EHBP1: variants seen among roughly 807,000 people sequenced by gnomAD.
EHBP1 encodes the protein EH domain-binding protein 1.
A neutral mutation model predicts 144.0 loss-of-function variants in EHBP1; 55 were observed. The observed-to-expected ratio is 0.38, with a 90% CI of 0.31 to 0.48. The LOEUF is 0.48. Among genes scored for constraint, EHBP1 ranks in the 20% least tolerant of loss-of-function variants. EHBP1 has a pLI of 0.98. For missense variants in EHBP1, 1,200 were observed against 1,364.2 expected (o/e 0.88, Z 1.90); for synonymous variants, 469 against 472.7 (o/e 0.99, Z 0.10).
chr2:63,005,300 T>A (rs1409042840), intron 19 of EHBP1, among the ~76,000 whole-genome samples: 1 of 152,062 alleles, frequency 6.6e-6, no homozygotes, highest in Admixed American at 6.6e-5. Flanking sequence ...TCTGCAGTTG[T>A]GGAGAAAAGA....
chr2:62,764,823 C>T (rs1484697132), intron 4 of EHBP1, among the ~76,000 whole-genome samples: 2 of 151,938 alleles, frequency 1.3e-5, no homozygotes, highest in Non-Finnish European at 1.5e-5. Context: ...ATAAGTGTTG[C>T]TGCTTAAAGG....
chr2:63,016,911 G>C (rs1000806091), intron 19 of EHBP1, among the ~76,000 whole-genome samples: 1 of 152,118 alleles, frequency 6.6e-6, no homozygotes, highest in African/African-American at 2.4e-5. Flanking sequence ...TTAGGACCCA[G>C]GGCCCATAGG....
intron 13 of EHBP1, among the ~76,000 whole-genome samples, chr2:62,952,941 G>A (rs1161362632): frequency 2.0e-5 from 3 of 151,936 alleles, no homozygotes; most frequent in East Asian, 1.9e-4. Context: ...TAATATGGCC[G>A]GGTACCATGG....
chr2:62,699,408 G>C (rs752710863), intron 1 of EHBP1, among the ~76,000 whole-genome samples: 12 of 152,168 alleles, frequency 7.9e-5, no homozygotes, highest in Non-Finnish European at 1.8e-4. Context: ...TCTCAGCTGA[G>C]GTCTTAATTC....
chr2:62,879,996 C>T (rs1364048546), intron 10 of EHBP1, among the ~76,000 whole-genome samples: 1 of 152,096 alleles, frequency 6.6e-6, no homozygotes. Flanking sequence ...GTAATCAAAA[C>T]AGCATGGTAC....
At chr2:62,794,490 T>C (rs1295416300) in intron 5 of EHBP1, among the ~76,000 whole-genome samples, 2 of 152,050 alleles carry the variant, frequency 1.3e-5, no homozygotes, top group African/African-American at 4.8e-5. Flanking sequence ...TTTTTAATCA[T>C]TGTACATGTG....
At chr2:62,691,596 C>G (rs989053530) in intron 1 of EHBP1, among the ~76,000 whole-genome samples, 17 of 152,170 alleles carry the variant, frequency 1.1e-4, no homozygotes, top group African/African-American at 4.1e-4. Context: ...ATATTTGCTT[C>G]TGAACTCCTC....
At chr2:62,747,475 T>C in intron 3 of EHBP1, 23 bp downstream of exon 3, 1 of 1,585,466 alleles carries the variant, frequency 6.3e-7, no homozygotes, top group South Asian at 1.2e-5. Flanking sequence ...TCTAAATTTC[T>C]TACCTAATTG....
At chr2:62,891,109 G>T (rs548000957) in intron 10 of EHBP1, among the ~76,000 whole-genome samples, 1 of 151,382 alleles carries the variant, frequency 6.6e-6, no homozygotes, top group Non-Finnish European at 1.5e-5. Flanking sequence ...CCCGGGAGGC[G>T]GAGGTTGCAG....
chr2:63,020,741 C>T (rs566168533), intron 19 of EHBP1, among the ~76,000 whole-genome samples: 6 of 151,488 alleles, frequency 4.0e-5, no homozygotes, highest in South Asian at 2.1e-4. Context: ...TGCAGTAGCG[C>T]GATCTCGGCT....
At chr2:62,936,140 C>G (rs2056370107) in intron 10 of EHBP1, among the ~76,000 whole-genome samples, 1 of 152,044 alleles carries the variant, frequency 6.6e-6, no homozygotes. Flanking sequence ...AGAATAAGCT[C>G]ATTTTTCCAG....
At chr2:62,733,023 AC>A (rs2037764916) in intron 2 of EHBP1, among the ~76,000 whole-genome samples, 1 of 152,048 alleles carries the variant, frequency 6.6e-6, no homozygotes, top group South Asian at 2.1e-4. Flanking sequence ...TTCCAGTAAC[AC>A]CCTTAGCATA....
chr2:62,745,456 T>C (rs1294429695), intron 2 of EHBP1, among the ~76,000 whole-genome samples: 1 of 151,830 alleles, frequency 6.6e-6, no homozygotes, highest in Non-Finnish European at 1.5e-5. Context: ...AAGTGATAAA[T>C]TAGGGGTTTA....
intron 15 of EHBP1, chr2:62,987,906 A>G: frequency 1.6e-6 from 2 of 1,221,438 alleles, no homozygotes; most frequent in Non-Finnish European, 2.3e-6. Context: ...TAATATACTA[A>G]CATTATTGCT....
intron 7 of EHBP1, among the ~76,000 whole-genome samples, chr2:62,842,831 G>A (rs772555651): frequency 1.3e-5 from 2 of 152,134 alleles, no homozygotes; most frequent in Non-Finnish European, 2.9e-5. Flanking sequence ...GTTGTTTTGA[G>A]CAGTATTGTG....
intron 10 of EHBP1, among the ~76,000 whole-genome samples, chr2:62,897,367 T>A (rs1248729332): frequency 6.6e-6 from 1 of 152,220 alleles, no homozygotes; most frequent in African/African-American, 2.4e-5. Context: ...TCATACATGG[T>A]GTTTTCAGTC....
chr2:62,836,901 T>G (rs1395046252), intron 7 of EHBP1, among the ~76,000 whole-genome samples: 1 of 149,496 alleles, frequency 6.7e-6, no homozygotes, highest in Non-Finnish European at 1.5e-5. Context: ...TGGAACCAAG[T>G]TGGAAAACAC....
chr2:62,873,418 G>C (rs968847311), intron 9 of EHBP1, among the ~76,000 whole-genome samples: 5 of 151,976 alleles, frequency 3.3e-5, no homozygotes, highest in Non-Finnish European at 5.9e-5. Context: ...AGATGTGAGA[G>C]AGTTATCTAG....
intron 7 of EHBP1, among the ~76,000 whole-genome samples, chr2:62,844,552 A>G (rs2048159455): frequency 6.6e-6 from 1 of 152,154 alleles, no homozygotes; most frequent in African/African-American, 2.4e-5. Flanking sequence ...TCAGAACAAT[A>G]AATACTGGCA....
Sources: allele counts gnomAD v4.1 joint callset (sites outside exome capture counted in the v4.1 genomes callset), GRCh38; gene constraint gnomAD v4.1.1; transcripts MANE v1.5; gene names NCBI Gene and HGNC (gene_info 2026-07-23, HGNC 2026-07-21).